Variants in ATP10A observed in about 807,000 individuals in gnomAD.
The protein encoded by ATP10A is ATPase phospholipid transporting 10A (putative).
In ATP10A, 111 loss-of-function variants were observed where a neutral mutation model predicts 147.8. That is an observed-to-expected ratio of 0.75 (90% CI 0.64 to 0.88). The LOEUF (loss-of-function observed/expected upper bound fraction) is 0.88. ATP10A is among the 40% of genes least tolerant of loss of function. The pLI, the probability that ATP10A is intolerant of heterozygous loss-of-function variation, is 0.00. For missense variants in ATP10A, 1,927 were observed against 1,959.0 expected (o/e 0.98, Z 0.31); for synonymous variants, 875 against 841.6 (o/e 1.04, Z -0.69).
At chr15:25,770,183 T>TC (rs1359155171) in intron 2 of ATP10A, among the ~76,000 whole-genome samples, 1 of 151,836 alleles carries the variant, frequency 6.6e-6, no homozygotes, top group Non-Finnish European at 1.5e-5. Flanking sequence ...ACCCATGTTT[T>TC]CAGCCATCAC....
intron 10 of ATP10A, chr15:25,709,376 T>C (rs1282813299): frequency 3.3e-5 from 5 of 152,210 alleles, no homozygotes; most frequent in Admixed American, 3.3e-4. Flanking sequence ...GATAACCTTT[T>C]CCCAGAATCA....
chr15:25,757,683 G>C (rs1010697356), intron 2 of ATP10A, among the ~76,000 whole-genome samples: 1 of 152,222 alleles, frequency 6.6e-6, no homozygotes, highest in Non-Finnish European at 1.5e-5. Context: ...TCTTTTGCAT[G>C]AGAGATAACT....
chr15:25,695,482 A>G (rs532899392), intron 13 of ATP10A, among the ~76,000 whole-genome samples: 1 of 152,256 alleles, frequency 6.6e-6, no homozygotes, highest in South Asian at 2.1e-4. Flanking sequence ...CAAAAAAATT[A>G]GCCAGGCGTG....
At chr15:25,833,574 T>C (rs1892460789) in intron 1 of ATP10A, among the ~76,000 whole-genome samples, 1 of 152,156 alleles carries the variant, frequency 6.6e-6, no homozygotes, top group Non-Finnish European at 1.5e-5. Context: ...GTGGAATGGC[T>C]AAATCAAGCT....
Position 25,695,082 on chromosome 15 carries a change from G to T in ATP10A, c.2825C>A (p.Ala942Asp), listed in dbSNP as rs368844362. 23 of 1,614,038 alleles carry T rather than the reference G, an allele frequency of 1.4e-5. No homozygotes were observed. The African/African-American group carries it at 1.9e-4, about 13-fold the overall frequency. The part of the protein sequence containing the change: ...CYVQSRGLQR[A>D]PEKTKGKVSM... Reference sequence around the variant, plus strand: ...CACTTTGCCCTTGGTCTTCTCAGGGGCTCTCTGGAGGCCTCTGGACTGCAC... The same window carrying T: ...CACTTTGCCCTTGGTCTTCTCAGGGTCTCTCTGGAGGCCTCTGGACTGCAC... The change falls in exon 14 of 21, where the codon GCC becomes GAC. Residue 942 changes from alanine (A) to aspartate (D), a missense_variant. Physicochemically the swap from Ala to Asp is moderately radical, Grantham distance 126. Transcript: ENST00000555815.
In ATP10A at chr15:25,687,791, C is replaced by G. The variant is rs763619413; in HGVS notation, c.3203G>C (p.Arg1068Pro). ...AAGAATCAAGAGCCTCTCCAGGTAT[C>G]GGAATTTCGGCACTGCAAAGTCGCT... The part of the protein sequence containing the change: ...MASDFAVPKF[R>P]YLERLLILHG... The change falls in exon 16 of 21, where the codon CGA becomes CCA. Residue 1068 changes from arginine (R) to proline (P), a missense_variant. Transcript: ENST00000555815. 6.2e-7 allele frequency: 1 copy of G among 1,613,844 alleles called. No homozygotes were observed. The highest frequency in any genetic ancestry group is 8.5e-7 in the Non-Finnish European group (1 of 1,179,854).
intron 1 of ATP10A, among the ~76,000 whole-genome samples, chr15:25,856,993 T>C (rs1273011198): frequency 6.6e-6 from 1 of 152,196 alleles, no homozygotes; most frequent in Non-Finnish European, 1.5e-5. Flanking sequence ...TAGAGTTTTC[T>C]GGGGGAAAAT....
intron 1 of ATP10A, among the ~76,000 whole-genome samples, chr15:25,815,442 A>C (rs2140830090): frequency 4.2e-5 from 1 of 23,746 alleles, no homozygotes; most frequent in African/African-American, 1.3e-4. Flanking sequence ...TCTATTCCCG[A>C]CACTTTAAAA....
At chr15:25,780,086 C>T (rs1306719318) in intron 2 of ATP10A, among the ~76,000 whole-genome samples, 1 of 152,244 alleles carries the variant, frequency 6.6e-6, no homozygotes, top group Non-Finnish European at 1.5e-5. Context: ...CCCAGCCAAT[C>T]GCTCACCGCC....
chr15:25,818,365 C>CA lies in ATP10A; in HGVS notation c.450-37143dup, dbSNP rs556638114. On this transcript the variant is annotated intron_variant, in intron 1 of 20. Coordinates refer to ENST00000555815, the MANE Select transcript of ATP10A (RefSeq NM_024490.4). ...AAAAATATATTATAAGCCAAATATA[C>CA]AAAAAAAGGTTAAAGAAAGGTAGTA... Among the ~76,000 whole-genome samples the CA allele has an allele frequency of 4.0e-5, 6 of 151,320 alleles. No individual in the cohort carries two copies. The South Asian group carries it at 1.0e-3, about 26-fold the overall frequency.
chr15:25,724,322 G>T (rs187193494), intron 5 of ATP10A, among the ~76,000 whole-genome samples: 9 of 152,150 alleles, frequency 5.9e-5, no homozygotes, highest in Admixed American at 5.9e-4. Flanking sequence ...AGTGTGAGGC[G>T]CCAAGACAGA....
At chr15:25,757,375 G>A (rs1040273690) in intron 2 of ATP10A, among the ~76,000 whole-genome samples, 4 of 151,926 alleles carry the variant, frequency 2.6e-5, no homozygotes, top group Admixed American at 6.6e-5. Context: ...AATTAATATA[G>A]CTAATTAGAA....
chr15:25,846,634 G>A (rs115350195), intron 1 of ATP10A, among the ~76,000 whole-genome samples: 1 of 152,322 alleles, frequency 6.6e-6, no homozygotes, highest in African/African-American at 2.4e-5. Context: ...GAGACAGCAT[G>A]AGAATCACCT....
At chr15:25,849,022 G>A (rs890805335) in intron 1 of ATP10A, among the ~76,000 whole-genome samples, 2 of 152,034 alleles carry the variant, frequency 1.3e-5, no homozygotes, top group African/African-American at 2.4e-5. Flanking sequence ...GGAGACCAGC[G>A]TCCTAGGAGG....
At chr15:25,811,009 A>G (rs1015269414) in intron 1 of ATP10A, among the ~76,000 whole-genome samples, 1 of 152,210 alleles carries the variant, frequency 6.6e-6, no homozygotes, top group African/African-American at 2.4e-5. Context: ...CGGGAGGATC[A>G]TGTTACATGG....
chr15:25,708,146 CTGTGGGG>C, intron 11 of ATP10A, 44 bp from the exon 12 acceptor site: 2 of 1,613,318 alleles, frequency 1.2e-6, no homozygotes, highest in Non-Finnish European at 1.7e-6. Context: ...GCGCTGCTCA[CTGTGGGG>C]CGGCCACCTG....
At chr15:25,751,268 G>T (rs9920932) in intron 2 of ATP10A, among the ~76,000 whole-genome samples, 52,894 of 151,888 alleles carry the variant, frequency 0.35, 9,573 homozygotes, top group Non-Finnish European at 0.4. Flanking sequence ...CAAAGTAAAT[G>T]AAGCAAAACT....
chr15:25,827,151 G>A (rs997857262), intron 1 of ATP10A, among the ~76,000 whole-genome samples: 1 of 152,276 alleles, frequency 6.6e-6, no homozygotes, highest in East Asian at 1.9e-4. Flanking sequence ...ACTGCCAGTC[G>A]CTAATTCTAT....
At chr15:25,770,789 T>C (rs1889292819) in intron 2 of ATP10A, among the ~76,000 whole-genome samples, 1 of 152,178 alleles carries the variant, frequency 6.6e-6, no homozygotes, top group Non-Finnish European at 1.5e-5. Context: ...CTGACAGCAA[T>C]ACCTCAAGCC....
Sources: allele counts gnomAD v4.1 joint callset (sites outside exome capture counted in the v4.1 genomes callset), GRCh38; gene constraint gnomAD v4.1.1; transcripts MANE v1.5; gene names NCBI Gene and HGNC (gene_info 2026-07-23, HGNC 2026-07-21).